The following RPS6KC1 variants were observed in gnomAD, a reference collection of about 807,000 sequenced individuals.
RPS6KC1 encodes the protein ribosomal protein S6 kinase C1.
RPS6KC1 carries 54 observed loss-of-function variants against 103.8 expected under a neutral mutation model. That is an observed-to-expected ratio of 0.52 (90% confidence interval 0.42 to 0.65). The LOEUF is 0.65. Ranked by LOEUF, RPS6KC1 falls within the 30% of genes least tolerant of loss-of-function variation. The probability of loss-of-function intolerance (pLI) is 0.00; values close to 1 mark genes in which losing one functional copy is unlikely to be tolerated. For synonymous variants in RPS6KC1, 439 were observed against 438.7 expected, an observed-to-expected ratio of 1.00 and a Z score of -0.01; for missense variants, 1,151 against 1,253.8, an observed-to-expected ratio of 0.92 and a Z score of 1.24.
chr1:213,154,549 G>A (rs1484174121), intron 6 of RPS6KC1, among the ~76,000 whole-genome samples: 1 of 152,186 alleles, frequency 6.6e-6, no homozygotes, highest in Non-Finnish European at 1.5e-5. Flanking sequence ...CAGACCATAG[G>A]ACTACTGCCA....
intron 6 of RPS6KC1, among the ~76,000 whole-genome samples, chr1:213,131,298 C>T (rs1333776765): frequency 1.3e-5 from 2 of 152,148 alleles, no homozygotes; most frequent in Non-Finnish European, 2.9e-5. Context: ...ATTCATTTCT[C>T]ATTAATTTTG....
the RPS6KC1 span, among the ~76,000 whole-genome samples, chr1:213,373,766 C>T: frequency 6.6e-6 from 1 of 152,206 alleles, no homozygotes; most frequent in Admixed American, 6.5e-5. Flanking sequence ...GCCTATTGCA[C>T]CTTCCCATAA....
At chr1:213,651,507 A>G in the RPS6KC1 span, among the ~76,000 whole-genome samples, 3 of 152,242 alleles carry the variant, frequency 2.0e-5, no homozygotes, top group East Asian at 1.9e-4. Flanking sequence ...ACACTGGTGC[A>G]CGATGCCCAT....
chr1:213,319,559 G>A, the RPS6KC1 span, among the ~76,000 whole-genome samples: 10 of 152,154 alleles, frequency 6.6e-5, no homozygotes, highest in East Asian at 7.7e-4. Flanking sequence ...TGCACAATGC[G>A]TGAAAGCAAG....
the RPS6KC1 span, among the ~76,000 whole-genome samples, chr1:213,480,819 A>G: frequency 6.6e-6 from 1 of 152,078 alleles, no homozygotes; most frequent in African/African-American, 2.4e-5. Flanking sequence ...CTATTTCTAG[A>G]TAGCTAAAAA....
intron 11 of RPS6KC1, 61 bp downstream of exon 11, chr1:213,242,358 G>A: frequency 2.6e-6 from 4 of 1,567,698 alleles, no homozygotes; most frequent in Non-Finnish European, 3.5e-6. Context: ...TAACTGAGTA[G>A]GCGTTTTATC....
the RPS6KC1 span, among the ~76,000 whole-genome samples, chr1:213,746,744 G>C: frequency 6.6e-6 from 1 of 152,150 alleles, no homozygotes; most frequent in Non-Finnish European, 1.5e-5. Context: ...GTGAAGAGAG[G>C]TCAGTTTCCA....
chr1:213,790,743 T>C, the RPS6KC1 span, among the ~76,000 whole-genome samples: 1 of 152,132 alleles, frequency 6.6e-6, no homozygotes, highest in Non-Finnish European at 1.5e-5. Context: ...TCACCATCAC[T>C]GAAGTGGAAA....
chr1:213,837,969 T>G, the RPS6KC1 span, among the ~76,000 whole-genome samples: 1 of 152,152 alleles, frequency 6.6e-6, no homozygotes, highest in Non-Finnish European at 1.5e-5. Context: ...CAATGAATTG[T>G]CAGTAATTTA....
the RPS6KC1 span, among the ~76,000 whole-genome samples, chr1:213,421,483 T>C: frequency 6.6e-6 from 1 of 152,228 alleles, no homozygotes; most frequent in Non-Finnish European, 1.5e-5. Context: ...GTATGTCTTT[T>C]TCGGTTAGCC....
chr1:213,749,547 A>G, the RPS6KC1 span, among the ~76,000 whole-genome samples: 1 of 152,128 alleles, frequency 6.6e-6, no homozygotes, highest in Non-Finnish European at 1.5e-5. Flanking sequence ...TTTTCTGTAG[A>G]TGAGAGGCTG....
chr1:213,588,485 G>A, the RPS6KC1 span, among the ~76,000 whole-genome samples: 5 of 151,844 alleles, frequency 3.3e-5, no homozygotes, highest in Non-Finnish European at 7.4e-5. Flanking sequence ...ATTTTTAGTC[G>A]AGACGGGGTT....
chr1:213,745,644 C>A, the RPS6KC1 span, among the ~76,000 whole-genome samples: 6 of 152,210 alleles, frequency 3.9e-5, no homozygotes, highest in Non-Finnish European at 2.9e-5. Flanking sequence ...TTGCAGGGTG[C>A]AGCTGTGAGG....
chr1:213,557,271 C>T, the RPS6KC1 span, among the ~76,000 whole-genome samples: 1 of 152,182 alleles, frequency 6.6e-6, no homozygotes, highest in Non-Finnish European at 1.5e-5. Flanking sequence ...AGTTCATCAA[C>T]CCAGAATTCT....
chr1:213,077,753 A>C lies in RPS6KC1; in HGVS notation c.199A>C (p.Ile67Leu). The stretch of plus-strand genomic sequence containing the variant: ...GAAACTACACAAAGAACTATGGCAA[A>C]TTCACAAAAACTTATTCCGACATTC... ...FKKLHKELWQ[I>L]HKNLFRHSEL... The change falls in exon 3 of 15, where the codon ATT (isoleucine) becomes CTT (leucine). Residue 67 changes from isoleucine to leucine, a missense_variant. Physicochemically the swap from Ile to Leu is conservative, Grantham distance 5. Transcript: ENST00000366960. 6.4e-7 allele frequency: 1 copy of C among 1,555,842 alleles called. No individual in the cohort carries two copies. The highest frequency in any genetic ancestry group is 2.3e-5 in the East Asian group (1 of 43,430).
At chr1:213,055,014 A>G (rs1361343170) in intron 1 of RPS6KC1, among the ~76,000 whole-genome samples, 2 of 152,224 alleles carry the variant, frequency 1.3e-5, no homozygotes, top group Non-Finnish European at 2.9e-5. Flanking sequence ...TATTCTTTCC[A>G]TGAGTATAAA....
At chr1:213,728,965 TAC>T in the RPS6KC1 span, among the ~76,000 whole-genome samples, 2 of 141,042 alleles carry the variant, frequency 1.4e-5, no homozygotes, top group African/African-American at 5.5e-5. Flanking sequence ...TTTTTTTTTT[TAC>T]CAGTGGACGA....
At chr1:213,067,496 C>G (rs1299387224) in intron 1 of RPS6KC1, among the ~76,000 whole-genome samples, 2 of 152,146 alleles carry the variant, frequency 1.3e-5, no homozygotes, top group Non-Finnish European at 2.9e-5. Context: ...ATCACTAAAC[C>G]ATGACTGGTT....
chr1:213,231,993 T>C (rs2094114614), intron 9 of RPS6KC1, 130 bp from the exon 10 acceptor site: 2 of 1,125,694 alleles, frequency 1.8e-6, no homozygotes, highest in Non-Finnish European at 2.6e-6. Flanking sequence ...GAGCAGCAGA[T>C]GAGTGGTTTC....
Sources: gnomAD v4.1 joint callset for allele counts (sites outside exome capture counted in the v4.1 genomes callset) on GRCh38, gnomAD v4.1.1 for gene constraint, MANE v1.5 for transcripts, NCBI Gene and HGNC (gene_info 2026-07-23, HGNC 2026-07-21) for gene names.